The following STAG1 variants were observed in gnomAD, a reference collection of about 807,000 sequenced individuals.
The protein encoded by STAG1 is cohesin subunit SA-1.
STAG1 carries 26 observed loss-of-function variants against 170.9 expected under a neutral mutation model. The ratio of observed to expected loss-of-function variants is 0.15; its 90% CI spans 0.11 to 0.21. STAG1 has a LOEUF of 0.21. STAG1 is among the 10% of genes least tolerant of loss of function. The pLI, the probability that STAG1 is intolerant of heterozygous loss-of-function variation, is 1.00. For missense variants in STAG1, 964 were observed against 1,509.5 expected (o/e 0.64, Z 5.99); for synonymous variants, 514 against 497.7 (o/e 1.03, Z -0.44).
intron 7 of STAG1, among the ~76,000 whole-genome samples, chr3:136,517,010 A>G (rs1306570483): frequency 6.6e-6 from 1 of 152,244 alleles, no homozygotes; most frequent in Non-Finnish European, 1.5e-5. Flanking sequence ...CTCTGATCAT[A>G]AATTAAAGCA....
rs571134887 is a variant in STAG1, at chr3:136,341,134, T to G, written c.3557+307A>C. On this transcript the variant is annotated intron_variant, in intron 31 of 33. Coordinates refer to ENST00000383202, the MANE Select transcript of STAG1 (RefSeq NM_005862.3). ...GATGTTGGCCAGGCTGGTCTTGAAC[T>G]CCTGACCTCAAGTGATCCGCCCGCC... Among the ~76,000 whole-genome samples the G allele has an allele frequency of 3.3e-5, 5 of 152,294 alleles. No homozygotes were observed. In the South Asian group the frequency reaches 8.3e-4, roughly 25 times the overall value.
chr3:136,546,834 A>G (rs1936174443), intron 5 of STAG1, among the ~76,000 whole-genome samples: 1 of 152,180 alleles, frequency 6.6e-6, no homozygotes, highest in South Asian at 2.1e-4. Context: ...TAAATATTTG[A>G]GACTACTTAA....
Position 136,568,818 on chromosome 3 carries a change from T to C in STAG1, c.341A>G (p.Asp114Gly). ...GTTGATTAAATCCAGAAGTGCGATG[T>C]CCCTGTCTTGTTTATATGATTCAAT... The part of the protein sequence containing the change: ...DWIESYKQDR[D>G]IALLDLINFF... The change falls in exon 5 of 34, where the codon GAC becomes GGC. Residue 114 changes from aspartate to glycine, a missense_variant. By Grantham distance (94) the Asp-to-Gly change is moderately conservative. This residue lies in a region of STAG1 where 33 missense variants were observed against 86.0 expected (regional missense o/e 0.38). Coordinates refer to ENST00000383202, the MANE Select transcript of STAG1 (RefSeq NM_005862.3). The C allele has an allele frequency of 6.2e-7, 1 of 1,612,546 alleles. No homozygotes were observed. Among genetic ancestry groups the C allele is most frequent in the Non-Finnish European group, 8.5e-7 (1 of 1,179,550 alleles).
At chr3:136,427,609 A>G (rs2088169483) in intron 16 of STAG1, among the ~76,000 whole-genome samples, 1 of 152,072 alleles carries the variant, frequency 6.6e-6, no homozygotes, top group African/African-American at 2.4e-5. Flanking sequence ...GTCTGCAGCT[A>G]CAGTTGCCCA....
At chr3:136,461,783 C>T (rs112662475) in intron 13 of STAG1, among the ~76,000 whole-genome samples, 176 of 152,052 alleles carry the variant, frequency 1.2e-3, no homozygotes, top group African/African-American at 2.4e-3. Flanking sequence ...GTGAAAATAT[C>T]GGCCAACTAT....
At chr3:136,657,292 G>T (rs911081217) in intron 1 of STAG1, among the ~76,000 whole-genome samples, 2 of 145,576 alleles carry the variant, frequency 1.4e-5, no homozygotes, top group African/African-American at 5.0e-5. Context: ...CTCACCTCCC[G>T]GGTTCAAGCA....
chr3:136,383,645 C>G (rs186747551), intron 22 of STAG1, among the ~76,000 whole-genome samples: 170 of 152,086 alleles, frequency 1.1e-3, no homozygotes, highest in African/African-American at 4.0e-3. Flanking sequence ...GTATTATCAC[C>G]CCCACTTTAT....
chr3:136,352,651 G>A (rs907855932), intron 28 of STAG1, among the ~76,000 whole-genome samples: 1 of 151,990 alleles, frequency 6.6e-6, no homozygotes, highest in African/African-American at 2.4e-5. Flanking sequence ...AGTGCTTTTA[G>A]CTGTGTACTT....
In STAG1 at chr3:136,613,476, A is replaced by G. The variant is rs146568980; in HGVS notation, c.133-9003T>C. Among the ~76,000 whole-genome samples the G allele has an allele frequency of 2.6e-5, 4 of 152,212 alleles. No individual in the cohort carries two copies. The East Asian group carries it at 7.7e-4, about 29-fold the overall frequency. ...AGTTCCCAAATGACAAATGATTTGA[A>G]GCCTTTAAATAGTTAATAATTATTT... On this transcript the variant is annotated intron_variant, in intron 3 of 33. Transcript: ENST00000383202.
intron 5 of STAG1, among the ~76,000 whole-genome samples, chr3:136,542,795 C>T (rs756396797): frequency 1.1e-4 from 16 of 152,066 alleles, no homozygotes; most frequent in Non-Finnish European, 8.8e-5. Flanking sequence ...CTCCCAGGCA[C>T]TTGATGCTTA....
At chr3:136,493,439 G>C (rs905080732) in intron 9 of STAG1, among the ~76,000 whole-genome samples, 2 of 151,990 alleles carry the variant, frequency 1.3e-5, no homozygotes, top group Admixed American at 1.3e-4. Context: ...TGGATCACTT[G>C]AGTCCAGGAG....
At chr3:136,410,428 C>T (rs1387424025) in intron 21 of STAG1, among the ~76,000 whole-genome samples, 1 of 151,854 alleles carries the variant, frequency 6.6e-6, no homozygotes, top group East Asian at 1.9e-4. Context: ...GCCCTAAGAC[C>T]AACATCAGAA....
intron 25 of STAG1, among the ~76,000 whole-genome samples, chr3:136,366,253 A>G (rs1347906838): frequency 1.3e-5 from 2 of 152,100 alleles, no homozygotes; most frequent in Non-Finnish European, 2.9e-5. Flanking sequence ...CTTACATCAC[A>G]GGGGGATTAG....
chr3:136,706,960 G>A (rs1943243761), intron 1 of STAG1, among the ~76,000 whole-genome samples: 1 of 152,188 alleles, frequency 6.6e-6, no homozygotes, highest in Non-Finnish European at 1.5e-5. Flanking sequence ...GGAAGAAATA[G>A]TCTCTTCAAC....
chr3:136,730,327 G>A (rs183434973), intron 1 of STAG1, among the ~76,000 whole-genome samples: 3 of 152,100 alleles, frequency 2.0e-5, no homozygotes, highest in African/African-American at 7.2e-5. Context: ...TAAAAATAAA[G>A]ATGTCATTAT....
chr3:136,621,231 A>G (rs1015578998), intron 3 of STAG1, among the ~76,000 whole-genome samples: 5 of 152,242 alleles, frequency 3.3e-5, no homozygotes, highest in Admixed American at 6.5e-5. Flanking sequence ...GTGGGGTGGT[A>G]AATTCTCTTT....
intron 5 of STAG1, among the ~76,000 whole-genome samples, chr3:136,545,863 T>C (rs1461901508): frequency 6.6e-6 from 1 of 152,156 alleles, no homozygotes; most frequent in Non-Finnish European, 1.5e-5. Context: ...TAACAGTCCT[T>C]GTGGGGGAGG....
At chr3:136,433,696 G>T in intron 15 of STAG1, 37 bp from the exon 16 acceptor site, 1 of 1,362,474 alleles carries the variant, frequency 7.3e-7, no homozygotes, top group African/African-American at 1.4e-5. Flanking sequence ...TGAGTAGACA[G>T]TTTTACAACA....
chr3:136,723,929 T>TG (rs1423968368), intron 1 of STAG1, among the ~76,000 whole-genome samples: 6 of 134,412 alleles, frequency 4.5e-5, no homozygotes, highest in African/African-American at 1.1e-4. Context: ...GGGAGTGAGG[T>TG]GGGGGGGTCA....
Sources: gnomAD v4.1 joint callset for allele counts (sites outside exome capture counted in the v4.1 genomes callset) on GRCh38, gnomAD v4.1.1 for gene constraint, gnomAD v4.1.1 regional missense constraint, MANE v1.5 for transcripts, NCBI Gene and HGNC (gene_info 2026-07-23, HGNC 2026-07-21) for gene names.